Variants in SCAPER observed in about 807,000 individuals in gnomAD.
SCAPER encodes S-phase cyclin A associated protein in the ER.
In SCAPER, 98 loss-of-function variants were observed where a neutral mutation model predicts 182.2. That is an observed-to-expected ratio of 0.54 (90% CI 0.46 to 0.64). SCAPER has a LOEUF of 0.64. Among genes scored for constraint, SCAPER ranks in the 30% least tolerant of loss-of-function variants. The pLI is 0.00. For synonymous variants in SCAPER, 605 were observed against 564.6 expected (o/e 1.07, Z -1.01); for missense variants, 1,432 against 1,690.0 (o/e 0.85, Z 2.68).
intron 4 of SCAPER, among the ~76,000 whole-genome samples, chr15:76,842,399 G>A (rs1461674269): frequency 6.6e-6 from 1 of 152,140 alleles, no homozygotes; most frequent in East Asian, 1.9e-4. Context: ...ATGATAGTAA[G>A]TTCTCACAAG....
chr15:76,408,256 C>T (rs1002776389), intron 26 of SCAPER, among the ~76,000 whole-genome samples: 1 of 152,070 alleles, frequency 6.6e-6, no homozygotes, highest in African/African-American at 2.4e-5. Flanking sequence ...TACGCTTTCC[C>T]ACAAGTTGAA....
At chr15:76,524,303 G>C (rs1446579336) in intron 23 of SCAPER, among the ~76,000 whole-genome samples, 1 of 152,060 alleles carries the variant, frequency 6.6e-6, no homozygotes, top group East Asian at 1.9e-4. Flanking sequence ...GCCTTGAGAA[G>C]ACTAGTGTCT....
At chr15:76,505,545 A>G (rs2041495990) in intron 23 of SCAPER, among the ~76,000 whole-genome samples, 1 of 152,244 alleles carries the variant, frequency 6.6e-6, no homozygotes. Flanking sequence ...CTACAGTGAG[A>G]TATCATCTCA....
intron 25 of SCAPER, among the ~76,000 whole-genome samples, chr15:76,439,311 T>G (rs1450061627): frequency 1.3e-5 from 2 of 152,322 alleles, no homozygotes; most frequent in Non-Finnish European, 2.9e-5. Flanking sequence ...ACTCCTGGCC[T>G]CAAGCAATCC....
intron 2 of SCAPER, among the ~76,000 whole-genome samples, chr15:76,873,334 GC>G (rs879908625): frequency 0.28 from 13,734 of 49,642 alleles, 948 homozygotes; most frequent in Middle Eastern, 0.37. Flanking sequence ...AGGAAGGAAG[GC>G]AGGCAGGCAG....
chr15:76,485,395 A>G (rs1334852382), intron 24 of SCAPER, among the ~76,000 whole-genome samples: 1 of 152,238 alleles, frequency 6.6e-6, no homozygotes, highest in African/African-American at 2.4e-5. Context: ...TGACACAAAC[A>G]AATGCAAAAA....
chr15:76,884,336 T>G (rs2073732491), intron 1 of SCAPER, among the ~76,000 whole-genome samples: 1 of 152,268 alleles, frequency 6.6e-6, no homozygotes, highest in African/African-American at 2.4e-5. Context: ...AAATCCTGTG[T>G]AACTTTCCTT....
At chr15:76,632,357 CT>C (rs199905192) in intron 21 of SCAPER, among the ~76,000 whole-genome samples, 3 of 150,810 alleles carry the variant, frequency 2.0e-5, no homozygotes, top group African/African-American at 7.3e-5. Context: ...GCCCGGCTTT[CT>C]TTTTTTTTGT....
At chr15:76,802,985 T>C (rs1350990896) in intron 6 of SCAPER, among the ~76,000 whole-genome samples, 1 of 152,210 alleles carries the variant, frequency 6.6e-6, no homozygotes, top group African/African-American at 2.4e-5. Context: ...ACTACCTTAA[T>C]CTGAGTAGCC....
intron 24 of SCAPER, among the ~76,000 whole-genome samples, chr15:76,480,663 T>G (rs1238360362): frequency 6.6e-6 from 1 of 152,232 alleles, no homozygotes; most frequent in Non-Finnish European, 1.5e-5. Flanking sequence ...CTGTCTTCCT[T>G]GTTTAAAACA....
Position 76,572,917 on chromosome 15 carries a change from T to TCACACACACACACACACACA in SCAPER, c.2838+1240_2838+1241insTGTGTGTGTGTGTGTGTGTG, listed in dbSNP as rs1231032832. 5.2e-3 allele frequency among the ~76,000 whole-genome samples: 688 copies of TCACACACACACACACACACA among 133,458 alleles called. 5 individuals carry two copies. The highest frequency in any genetic ancestry group is 0.019 in the African/African-American group (665 of 35,440). The allele number at this position is 133,458 out of a possible 152,430, so 87.6% of individuals were successfully genotyped here. The stretch of plus-strand genomic sequence containing the variant: ...CTCTCTCTCTCTCTCTCTCTCTCTC[T>TCACACACACACACACACACA]CTCACACACACACACACACACACAC... On this transcript the variant is annotated intron_variant, in intron 23 of 31. Coordinates refer to ENST00000563290, the MANE Select transcript of SCAPER (RefSeq NM_020843.4).
At chr15:76,776,270 T>C (rs2063739073) in intron 8 of SCAPER, among the ~76,000 whole-genome samples, 1 of 152,062 alleles carries the variant, frequency 6.6e-6, no homozygotes, top group East Asian at 1.9e-4. Context: ...AAGGGTGGCC[T>C]AACAAAACAG....
At chr15:76,661,890 G>C (rs558571570) in intron 21 of SCAPER, among the ~76,000 whole-genome samples, 1 of 152,050 alleles carries the variant, frequency 6.6e-6, no homozygotes, top group Non-Finnish European at 1.5e-5. Flanking sequence ...ACTTATGTTT[G>C]TTGCAGCACT....
chr15:76,853,582 T>C (rs1297899632), intron 4 of SCAPER, among the ~76,000 whole-genome samples: 1 of 149,980 alleles, frequency 6.7e-6, no homozygotes, highest in Non-Finnish European at 1.5e-5. Flanking sequence ...GTTATCTCAA[T>C]GGATGCAGAA....
chr15:76,804,259 T>C (rs140072598), intron 6 of SCAPER, among the ~76,000 whole-genome samples: 99 of 152,356 alleles, frequency 6.5e-4, no homozygotes, highest in African/African-American at 2.2e-3. Context: ...CTAAGTTCTA[T>C]TTTTATCACA....
intron 17 of SCAPER, among the ~76,000 whole-genome samples, chr15:76,710,210 A>C (rs1224999405): frequency 6.6e-6 from 1 of 152,214 alleles, no homozygotes; most frequent in African/African-American, 2.4e-5. Flanking sequence ...CCACATTAGA[A>C]ATAAAGAAGT....
At chr15:76,841,653 A>G in intron 5 of SCAPER, 81 bp downstream of exon 5, 1 of 1,435,786 alleles carries the variant, frequency 7.0e-7, no homozygotes. Flanking sequence ...TCTCAAAGAA[A>G]AAAAAAAGAT....
chr15:76,764,290 C>G (rs2062978347), intron 14 of SCAPER, among the ~76,000 whole-genome samples: 1 of 152,146 alleles, frequency 6.6e-6, no homozygotes, highest in Admixed American at 6.5e-5. Flanking sequence ...ACAGGGCAGT[C>G]CTCAGCTCCA....
At chr15:76,495,344 G>C (rs925257074) in intron 24 of SCAPER, among the ~76,000 whole-genome samples, 1 of 152,016 alleles carries the variant, frequency 6.6e-6, no homozygotes, top group Non-Finnish European at 1.5e-5. Context: ...TTGGGAGGAC[G>C]AGGCAGGTGG....
Sources: gnomAD v4.1 joint callset for allele counts (sites outside exome capture counted in the v4.1 genomes callset) on GRCh38, gnomAD v4.1.1 for gene constraint, MANE v1.5 for transcripts, NCBI Gene and HGNC (gene_info 2026-07-23, HGNC 2026-07-21) for gene names.